KIAA1328: variants seen among roughly 807,000 people sequenced by gnomAD.
KIAA1328 encodes the protein KIAA1328.
Under a neutral mutation model 68.1 loss-of-function variants are expected in KIAA1328, and 52 were observed. The ratio of observed to expected loss-of-function variants is 0.76; its 90% CI spans 0.61 to 0.96. The LOEUF is 0.96. KIAA1328 is among the 40% of genes least tolerant of loss of function. KIAA1328 has a pLI of 0.00. For synonymous variants in KIAA1328, 232 were observed against 239.4 expected, an observed-to-expected ratio of 0.97 and a Z score of 0.28; for missense variants, 641 against 677.6, an observed-to-expected ratio of 0.95 and a Z score of 0.60.
At chr18:37,166,076 G>A (rs930213518) in intron 8 of KIAA1328, among the ~76,000 whole-genome samples, 7 of 139,848 alleles carry the variant, frequency 5.0e-5, no homozygotes, top group Non-Finnish European at 9.1e-5. Context: ...TGTCAGCTTT[G>A]GGTATCAGAG....
intron 7 of KIAA1328, among the ~76,000 whole-genome samples, chr18:37,128,874 G>C (rs1353586877): frequency 6.6e-6 from 1 of 152,076 alleles, no homozygotes; most frequent in East Asian, 1.9e-4. Context: ...AACCTCAGAA[G>C]CATTATGCTA....
intron 7 of KIAA1328, among the ~76,000 whole-genome samples, chr18:37,077,285 G>T (rs549501168): frequency 1.0e-5 from 1 of 99,660 alleles, no homozygotes; most frequent in Non-Finnish European, 1.8e-5. Context: ...AATTCAACAA[G>T]GCTTCATGCT....
intron 3 of KIAA1328, 36 bp downstream of exon 3, chr18:36,835,412 T>C (rs2046641065): frequency 6.3e-7 from 1 of 1,596,572 alleles, no homozygotes; most frequent in East Asian, 2.2e-5. Flanking sequence ...TTCCTTGCTC[T>C]CCAGTCTTTA....
chr18:36,996,072 G>A (rs1449178063), intron 6 of KIAA1328, among the ~76,000 whole-genome samples: 1 of 152,172 alleles, frequency 6.6e-6, no homozygotes, highest in African/African-American at 2.4e-5. Context: ...TACAAATGAT[G>A]AAATAGCTTT....
intron 8 of KIAA1328, among the ~76,000 whole-genome samples, chr18:37,167,505 A>G (rs964379090): frequency 2.0e-5 from 3 of 152,074 alleles, no homozygotes; most frequent in East Asian, 1.9e-4. Context: ...TGGGCTGCTT[A>G]GTGGCTGGAC....
chr18:36,834,349 G>A lies in KIAA1328; in HGVS notation c.88G>A (p.Val30Ile), dbSNP rs566456361. The change falls in exon 2 of 10, where the codon GTT (valine) becomes ATT (isoleucine). Residue 30 changes from valine to isoleucine, a missense_variant. Transcript: ENST00000280020. ...TGATGAAGAACAATCAGTAGTATAC[G>A]TTCCAGGTATGATTTTCTATGTTAA... ...FSDEEQSVVYVPGISAEGNVR... is the reference protein window; with the variant it reads ...FSDEEQSVVYIPGISAEGNVR... 2.6e-5 allele frequency: 41 copies of A among 1,575,354 alleles called. No individual in the cohort carries two copies. The South Asian group carries it at 4.2e-4, about 16-fold the overall frequency.
intron 7 of KIAA1328, among the ~76,000 whole-genome samples, chr18:37,117,995 A>G (rs1040702465): frequency 6.9e-6 from 1 of 144,118 alleles, no homozygotes; most frequent in African/African-American, 2.7e-5. Flanking sequence ...TGGTATGTAT[A>G]ATTGCTTTCT....
chr18:37,172,828 A>C (rs963121341), intron 8 of KIAA1328, 145 bp from the exon 9 acceptor site: 1 of 508,898 alleles, frequency 2.0e-6, no homozygotes, highest in Non-Finnish European at 3.4e-6. Flanking sequence ...TGAGTTTTTC[A>C]TATGCCATTG....
chr18:37,226,135 G>A (rs2060635371), downstream of KIAA1328, among the ~76,000 whole-genome samples: 1 of 152,098 alleles, frequency 6.6e-6, no homozygotes, highest in Non-Finnish European at 1.5e-5. Context: ...ACTTCTAAAG[G>A]GAGCAGTCTT....
intron 7 of KIAA1328, among the ~76,000 whole-genome samples, chr18:37,146,545 G>T (rs1044784179): frequency 5.9e-5 from 9 of 152,146 alleles, no homozygotes; most frequent in South Asian, 4.1e-4. Context: ...GTGAACATTG[G>T]CATGCATGTG....
chr18:37,019,593 C>T (rs1448287777), intron 6 of KIAA1328, among the ~76,000 whole-genome samples: 2 of 152,216 alleles, frequency 1.3e-5, no homozygotes, highest in East Asian at 3.9e-4. Flanking sequence ...GTGAAACCTC[C>T]TTGGCTCCAA....
chr18:36,996,108 G>C (rs562591932), intron 6 of KIAA1328, among the ~76,000 whole-genome samples: 2 of 152,182 alleles, frequency 1.3e-5, no homozygotes, highest in South Asian at 4.1e-4. Context: ...CTTGCCCAAG[G>C]TTACACAGGT....
At chr18:36,940,293 C>T (rs1279799076) in intron 5 of KIAA1328, among the ~76,000 whole-genome samples, 1 of 152,190 alleles carries the variant, frequency 6.6e-6, no homozygotes, top group African/African-American at 2.4e-5. Context: ...ATCGAATCCA[C>T]ATCTAGAGTG....
intron 5 of KIAA1328, among the ~76,000 whole-genome samples, chr18:36,926,520 G>A (rs984806601): frequency 2.4e-4 from 36 of 152,146 alleles, no homozygotes; most frequent in South Asian, 1.2e-3. Context: ...TGATCACTTG[G>A]TTTAAGTAGT....
intron 9 of KIAA1328, among the ~76,000 whole-genome samples, chr18:37,219,940 G>A (rs114067561): frequency 0.023 from 3,452 of 152,294 alleles, 127 homozygotes; most frequent in African/African-American, 0.079. Flanking sequence ...GACTGGTGCT[G>A]TTCCTATTCA....
chr18:36,965,513 C>T (rs1207523680), intron 6 of KIAA1328, among the ~76,000 whole-genome samples: 6 of 310 alleles, frequency 0.019, no homozygotes, highest in Non-Finnish European at 0.041. Context: ...ATTAGCCAGG[C>T]GTGGTGGCCA....
intron 6 of KIAA1328, among the ~76,000 whole-genome samples, chr18:37,011,246 T>G (rs2053969213): frequency 6.6e-6 from 1 of 152,202 alleles, no homozygotes; most frequent in Non-Finnish European, 1.5e-5. Context: ...ATCTCAAACT[T>G]AGCATAGCTA....
At chr18:36,847,418 T>A (rs529542337) in intron 4 of KIAA1328, among the ~76,000 whole-genome samples, 51 of 151,690 alleles carry the variant, frequency 3.4e-4, no homozygotes, top group African/African-American at 1.2e-3. Flanking sequence ...CTTGGTATTG[T>A]CATTTCTTTA....
intron 9 of KIAA1328, among the ~76,000 whole-genome samples, chr18:37,195,672 A>C (rs1019810788): frequency 6.6e-6 from 1 of 152,218 alleles, no homozygotes; most frequent in Non-Finnish European, 1.5e-5. Context: ...TTTTTATGCC[A>C]GTACCATGCT....
Sources: gnomAD v4.1 joint callset for allele counts (sites outside exome capture counted in the v4.1 genomes callset) on GRCh38, gnomAD v4.1.1 for gene constraint, MANE v1.5 for transcripts, NCBI Gene and HGNC (gene_info 2026-07-23, HGNC 2026-07-21) for gene names.